Variants in SPAG16 observed in about 807,000 individuals in gnomAD.
SPAG16 encodes sperm-associated antigen 16 protein.
In SPAG16, 86 loss-of-function variants were observed where a neutral mutation model predicts 80.4. The ratio of observed to expected loss-of-function variants is 1.07; its 90% CI spans 0.90 to 1.28. The LOEUF (loss-of-function observed/expected upper bound fraction) is 1.28. SPAG16 is among the 50% of genes most tolerant of loss of function. SPAG16 has a pLI of 0.00. For missense variants in SPAG16, 870 were observed against 765.3 expected (o/e 1.14, Z -1.61); for synonymous variants, 294 against 265.9 (o/e 1.11, Z -1.03).
chr2:213,817,834 G>T (rs1340730647), intron 10 of SPAG16, among the ~76,000 whole-genome samples: 2 of 152,094 alleles, frequency 1.3e-5, no homozygotes, highest in East Asian at 3.9e-4. Flanking sequence ...AAAGAGGGAG[G>T]TGGGTAAGTG....
intron 11 of SPAG16, among the ~76,000 whole-genome samples, chr2:213,873,778 A>G (rs2076038620): frequency 6.6e-6 from 1 of 151,844 alleles, no homozygotes; most frequent in South Asian, 2.1e-4. Context: ...CCATTTCCAT[A>G]TATATGTCAT....
intron 13 of SPAG16, among the ~76,000 whole-genome samples, chr2:214,062,962 A>T (rs181245332): frequency 1.6e-3 from 240 of 152,324 alleles, no homozygotes; most frequent in African/African-American, 5.2e-3. Context: ...GCACATTAAA[A>T]TGTTGAAAAT....
At chr2:213,324,621 ATAATG>A in intron 5 of SPAG16, among the ~76,000 whole-genome samples, 1 of 152,300 alleles carries the variant, frequency 6.6e-6, no homozygotes, top group South Asian at 2.1e-4. Flanking sequence ...ATTCTGTTGT[ATAATG>A]TATACTACAA....
chr2:214,301,029 A>ATAG (rs1335664117), intron 15 of SPAG16, among the ~76,000 whole-genome samples: 4 of 3,826 alleles, frequency 1.0e-3, no homozygotes, highest in African/African-American at 2.4e-3. Context: ...AACTTAAAGT[A>ATAG]TAATAATAAT....
intron 12 of SPAG16, among the ~76,000 whole-genome samples, chr2:213,978,858 G>A (rs2045550680): frequency 6.6e-6 from 1 of 152,026 alleles, no homozygotes; most frequent in South Asian, 2.1e-4. Context: ...ATGTGACTCT[G>A]AATAGTCACA....
chr2:213,438,517 A>G (rs926476281), intron 9 of SPAG16, among the ~76,000 whole-genome samples: 1 of 152,256 alleles, frequency 6.6e-6, no homozygotes, highest in Non-Finnish European at 1.5e-5. Context: ...AAATGGTTAC[A>G]GTACTGACAA....
At chr2:213,420,547 G>A (rs1390298541) in intron 9 of SPAG16, among the ~76,000 whole-genome samples, 1 of 152,202 alleles carries the variant, frequency 6.6e-6, no homozygotes, top group Non-Finnish European at 1.5e-5. Flanking sequence ...AATTTGCACA[G>A]CAGTGAAGGA....
chr2:213,701,124 C>T (rs989689145), intron 10 of SPAG16, among the ~76,000 whole-genome samples: 3 of 152,256 alleles, frequency 2.0e-5, no homozygotes, highest in East Asian at 1.9e-4. Flanking sequence ...CCTGTACTCC[C>T]AGCTACTCAG....
At chr2:213,971,216 T>C (rs1443578602) in intron 12 of SPAG16, among the ~76,000 whole-genome samples, 3 of 152,180 alleles carry the variant, frequency 2.0e-5, no homozygotes, top group Non-Finnish European at 2.9e-5. Context: ...GAGCCAATTG[T>C]TGACATTCTA....
chr2:213,471,296 A>T (rs886942735), intron 9 of SPAG16, among the ~76,000 whole-genome samples: 1 of 152,156 alleles, frequency 6.6e-6, no homozygotes, highest in Non-Finnish European at 1.5e-5. Flanking sequence ...TCCTCAAGTA[A>T]CTTACTTTTG....
intron 10 of SPAG16, among the ~76,000 whole-genome samples, chr2:213,751,052 A>G (rs562486666): frequency 2.6e-5 from 4 of 152,208 alleles, no homozygotes; most frequent in Admixed American, 6.5e-5. Flanking sequence ...TTTTATGTTT[A>G]TACTACAAAA....
chr2:213,406,392 A>G (rs1364570438), intron 9 of SPAG16, among the ~76,000 whole-genome samples: 1 of 152,214 alleles, frequency 6.6e-6, no homozygotes, highest in Non-Finnish European at 1.5e-5. Flanking sequence ...ATTTCACTTG[A>G]TTCTAAATTG....
intron 12 of SPAG16, among the ~76,000 whole-genome samples, chr2:213,962,985 C>T (rs189192662): frequency 2.0e-5 from 3 of 151,726 alleles, no homozygotes; most frequent in Admixed American, 1.3e-4. Context: ...TTCTATGAAC[C>T]TACTTATTAT....
intron 12 of SPAG16, among the ~76,000 whole-genome samples, chr2:213,976,308 G>C (rs529052627): frequency 6.7e-6 from 1 of 150,328 alleles, no homozygotes; most frequent in African/African-American, 2.5e-5. Context: ...ATACACATGT[G>C]TGCGCATATG....
At chr2:214,100,742 T>C (rs1245714089) in intron 13 of SPAG16, among the ~76,000 whole-genome samples, 1 of 152,164 alleles carries the variant, frequency 6.6e-6, no homozygotes, top group Non-Finnish European at 1.5e-5. Flanking sequence ...TACGCCTGAA[T>C]AGTATTCATG....
chr2:213,394,833 C>T (rs146587428), intron 9 of SPAG16, among the ~76,000 whole-genome samples: 1 of 152,174 alleles, frequency 6.6e-6, no homozygotes, highest in African/African-American at 2.4e-5. Context: ...GGAGAATTCA[C>T]CAGTGAAACC....
chr2:213,811,325 T>G lies in SPAG16; in HGVS notation c.1071-51160T>G, dbSNP rs189671262. 5.8e-4 allele frequency among the ~76,000 whole-genome samples: 88 copies of G among 152,286 alleles called. 1 individual carries two copies. Among genetic ancestry groups the G allele is most frequent in the African/African-American group, 2.0e-3 (85 of 41,562 alleles). On this transcript the variant is annotated intron_variant, in intron 10 of 15. Transcript: ENST00000331683. The stretch of plus-strand genomic sequence containing the variant: ...TTCCATAATGAACATACTACAGTAA[T>G]CGTTAGCTGTGACATAAAACATGAC...
intron 8 of SPAG16, among the ~76,000 whole-genome samples, chr2:213,374,547 A>G (rs942762466): frequency 6.6e-6 from 1 of 152,068 alleles, no homozygotes; most frequent in Non-Finnish European, 1.5e-5. Context: ...TGTTACAACT[A>G]TTTTGAATAT....
intron 10 of SPAG16, among the ~76,000 whole-genome samples, chr2:213,533,355 T>TAA (rs1169089607): frequency 6.6e-6 from 1 of 152,190 alleles, no homozygotes; most frequent in East Asian, 1.9e-4. Flanking sequence ...ACCTTCACTT[T>TAA]TATTGAGTAG....
Sources: gnomAD v4.1 joint callset for allele counts (sites outside exome capture counted in the v4.1 genomes callset) on GRCh38, gnomAD v4.1.1 for gene constraint, MANE v1.5 for transcripts, NCBI Gene and HGNC (gene_info 2026-07-23, HGNC 2026-07-21) for gene names.